The following TDRD9 variants were observed in gnomAD, a reference collection of about 807,000 sequenced individuals.
TDRD9 encodes the protein tudor domain containing 9.
In TDRD9, 124 loss-of-function variants were observed where a neutral mutation model predicts 172.6. The observed-to-expected ratio is 0.72, with a 90% confidence interval of 0.62 to 0.83. TDRD9 has a LOEUF of 0.83. Among genes scored for constraint, TDRD9 ranks in the 40% least tolerant of loss-of-function variants. The pLI is 0.00. For missense variants in TDRD9, 1,479 were observed against 1,714.1 expected (o/e 0.86, Z 2.42); for synonymous variants, 619 against 617.1 (o/e 1.00, Z -0.05).
chr14:103,966,611 T>C, intron 4 of TDRD9, 98 bp from the exon 5 acceptor site: 1 of 1,180,186 alleles, frequency 8.5e-7, no homozygotes, highest in African/African-American at 1.5e-5. Context: ...CGAAATACCT[T>C]AATTTTTCAT....
intron 20 of TDRD9, among the ~76,000 whole-genome samples, chr14:104,010,652 A>G (rs1462710239): frequency 6.6e-6 from 1 of 150,510 alleles, no homozygotes; most frequent in Non-Finnish European, 1.5e-5. Context: ...TGAAATAATG[A>G]TGGTATAGTA....
chr14:104,006,739 C>G, intron 17 of TDRD9, 30 bp downstream of exon 17: 1 of 1,613,148 alleles, frequency 6.2e-7, no homozygotes, highest in Non-Finnish European at 8.5e-7. Flanking sequence ...TAAAGTGTCA[C>G]TGTATTTTAA....
At chr14:103,970,315 G>T (rs2032964365) in intron 5 of TDRD9, among the ~76,000 whole-genome samples, 1 of 152,150 alleles carries the variant, frequency 6.6e-6, no homozygotes. Context: ...CTCTCAGGGG[G>T]CCCTAAGGAG....
At chr14:104,021,688 A>AAAAT (rs1023611708) in intron 23 of TDRD9, among the ~76,000 whole-genome samples, 4 of 152,280 alleles carry the variant, frequency 2.6e-5, no homozygotes, top group African/African-American at 7.2e-5. Context: ...CCATCTCAAA[A>AAAAT]AAATAAATAA....
At chr14:103,950,183 A>G (rs1170282985) in intron 1 of TDRD9, among the ~76,000 whole-genome samples, 4 of 137,780 alleles carry the variant, frequency 2.9e-5, no homozygotes, top group African/African-American at 1.1e-4. Context: ...TCCGCCTCCC[A>G]GGTTCAAGCG....
At position 104,025,675 on chromosome 14, in the gene TDRD9, CA is replaced by C; in HGVS notation, c.2831del (p.His944ProfsTer38). 1 of 1,614,010 alleles carries C rather than the reference CA, an allele frequency of 6.2e-7. No individual in the cohort carries two copies. The highest frequency in any genetic ancestry group is 8.5e-7 in the Non-Finnish European group (1 of 1,179,880). ...NQLTLVPLPT[H>X]PHPDLVCLAP... Reference sequence around the variant, plus strand: ...ACTGACGCTGGTGCCCTTGCCCACTCACCCACATCCAGACTTGGTCTGTCTG... The same window carrying C: ...ACTGACGCTGGTGCCCTTGCCCACTCCCCACATCCAGACTTGGTCTGTCTG... On this transcript the variant is annotated frameshift_variant, in exon 26 of 36. Transcript: ENST00000409874. LOFTEE classifies it high-confidence loss of function.
At chr14:103,972,306 A>T (rs201660078) in intron 6 of TDRD9, among the ~76,000 whole-genome samples, 9 of 58,934 alleles carry the variant, frequency 1.5e-4, no homozygotes, top group African/African-American at 5.7e-4. Context: ...GACTGCATTT[A>T]AAAAAAAAAA....
chr14:103,963,407 C>T (rs1259141933), intron 3 of TDRD9, among the ~76,000 whole-genome samples: 1 of 152,178 alleles, frequency 6.6e-6, no homozygotes, highest in South Asian at 2.1e-4. Flanking sequence ...CTTTAGTCTT[C>T]GCCTGAGTAC....
At position 103,928,767 on chromosome 14, in the gene TDRD9, C is replaced by G. The variant is rs940279386; in HGVS notation, c.215+43C>G. 5 of 758,222 alleles carry G rather than the reference C, an allele frequency of 6.6e-6. No individual in the cohort carries two copies. In the African/African-American group the frequency reaches 7.5e-5, roughly 11 times the overall value. 47.0% of individuals were successfully genotyped at this position (758,222 alleles called of 1,614,324 possible). On this transcript the variant is annotated intron_variant, in intron 1 of 35. Coordinates refer to ENST00000409874, the MANE Select transcript of TDRD9 (RefSeq NM_153046.3). ...CGGAGGCGGCTGGAGGGCGGCCGGG[C>G]GAGGCCTGGCGACGAGGGCACGGGC... is the stretch of plus-strand genomic sequence containing the variant.
Position 103,980,560 on chromosome 14 carries a change from A to G in TDRD9, c.1011+5007A>G, listed in dbSNP as rs11625279. ...ATGAAAGCAGACTAGGAGTGTGACCACTGAAGCACAGCATCACAGGGAGAC... is the reference window on the plus strand; with the variant it reads ...ATGAAAGCAGACTAGGAGTGTGACCGCTGAAGCACAGCATCACAGGGAGAC... On this transcript the variant is annotated intron_variant, in intron 7 of 35. Coordinates refer to ENST00000409874, the MANE Select transcript of TDRD9 (RefSeq NM_153046.3). This position sits in a 1 kb window ranked among gnomAD's most constrained non-coding sequence, Gnocchi z 4.5. Among the ~76,000 whole-genome samples the G allele has an allele frequency of 6.6e-6, 1 of 152,304 alleles. No homozygotes were observed. The highest frequency in any genetic ancestry group is 1.5e-5 in the Non-Finnish European group (1 of 68,026).
chr14:103,973,327 G>C (rs1401343485), intron 6 of TDRD9, among the ~76,000 whole-genome samples: 1 of 152,210 alleles, frequency 6.6e-6, no homozygotes, highest in East Asian at 1.9e-4. Flanking sequence ...AAGAGGACCT[G>C]GGTGTGGGGC....
intron 22 of TDRD9, among the ~76,000 whole-genome samples, chr14:104,017,480 A>G (rs530798806): frequency 7.9e-5 from 12 of 152,348 alleles, no homozygotes; most frequent in Admixed American, 2.0e-4. Flanking sequence ...GTGAGGAGAC[A>G]GGATCTAACT....
chr14:103,970,851 C>T (rs939969923), intron 6 of TDRD9, among the ~76,000 whole-genome samples: 32 of 152,304 alleles, frequency 2.1e-4, no homozygotes, highest in African/African-American at 7.7e-4. Flanking sequence ...ATCTACAATA[C>T]TGAATATAAT....
chr14:104,002,552 A>G (rs906883836), intron 13 of TDRD9, among the ~76,000 whole-genome samples: 1 of 152,090 alleles, frequency 6.6e-6, no homozygotes, highest in African/African-American at 2.4e-5. Flanking sequence ...TCCTCTTTGA[A>G]TGTGGTTTGA....
chr14:103,968,138 C>CTG (rs537889310), intron 5 of TDRD9, among the ~76,000 whole-genome samples: 190 of 152,028 alleles, frequency 1.2e-3, no homozygotes, highest in Non-Finnish European at 2.1e-3. Flanking sequence ...TGCTGTGTTA[C>CTG]TGACTATATC....
At chr14:103,987,271 T>C (rs1357631447) in intron 8 of TDRD9, among the ~76,000 whole-genome samples, 2 of 152,220 alleles carry the variant, frequency 1.3e-5, no homozygotes, top group Non-Finnish European at 2.9e-5. Flanking sequence ...ATCCTTTTCA[T>C]GTTGTCTTCT....
chr14:103,934,224 G>A (rs1285135171), intron 1 of TDRD9, among the ~76,000 whole-genome samples: 1 of 152,146 alleles, frequency 6.6e-6, no homozygotes, highest in Non-Finnish European at 1.5e-5. Context: ...TGTTGCCTAT[G>A]CTGGTGTCAA....
chr14:104,049,159 TA>T (rs1227667418), intron 34 of TDRD9, among the ~76,000 whole-genome samples: 16 of 152,196 alleles, frequency 1.1e-4, no homozygotes, highest in African/African-American at 2.7e-4. Context: ...TGTATGTATG[TA>T]TGTATACAGT....
Position 103,994,383 on chromosome 14 carries a change from A to C in TDRD9, c.1232A>C (p.Lys411Thr). Residue 411 changes from lysine (K) to threonine (T), a missense_variant, in exon 10 of 36, where the codon AAA becomes ACA. This residue lies in a region of TDRD9 where 1,413 missense variants were observed against 1,649.1 expected (regional missense o/e 0.86). Coordinates refer to ENST00000409874, the MANE Select transcript of TDRD9 (RefSeq NM_153046.3). The part of the protein sequence containing the change: ...MHELLTSLVH[K>T]RLQVYPLHSS... ...GAACTTCTCACAAGCCTGGTTCATA[A>C]AAGGTATGTTGAAAATGATACAGCT... 6.2e-7 allele frequency: 1 copy of C among 1,613,552 alleles called. No individual in the cohort carries two copies. The highest frequency in any genetic ancestry group is 8.5e-7 in the Non-Finnish European group (1 of 1,179,546).
Sources: gnomAD v4.1 joint callset for allele counts (sites outside exome capture counted in the v4.1 genomes callset) on GRCh38, gnomAD v4.1.1 for gene constraint, gnomAD v4.1.1 regional missense constraint, Gnocchi (gnomAD v3.1) non-coding constraint, MANE v1.5 for transcripts, NCBI Gene and HGNC (gene_info 2026-07-23, HGNC 2026-07-21) for gene names.